The following SNTG1 variants were observed in gnomAD, a reference collection of about 807,000 sequenced individuals.
SNTG1 encodes the protein syntrophin gamma 1, also known as gamma-1-syntrophin.
A neutral mutation model predicts 74.7 loss-of-function variants in SNTG1; 39 were observed. The observed-to-expected ratio is 0.52, with a 90% CI of 0.40 to 0.68. SNTG1 has a LOEUF of 0.68. Among genes scored for constraint, SNTG1 ranks in the 30% least tolerant of loss-of-function variants. The pLI is 0.00. For synonymous variants in SNTG1, 254 were observed against 217.1 expected, an observed-to-expected ratio of 1.17 and a Z score of -1.49; for missense variants, 685 against 609.5, an observed-to-expected ratio of 1.12 and a Z score of -1.30.
chr8:50,460,751 T>C (rs995944899), intron 8 of SNTG1, among the ~76,000 whole-genome samples: 31 of 152,076 alleles, frequency 2.0e-4, no homozygotes, highest in African/African-American at 7.0e-4. Context: ...AGTCCTTTCT[T>C]GATTGTTTAT....
At chr8:50,760,639 A>G (rs2095595822) in intron 18 of SNTG1, among the ~76,000 whole-genome samples, 1 of 151,940 alleles carries the variant, frequency 6.6e-6, no homozygotes, top group South Asian at 2.1e-4. Context: ...AGACTAATAA[A>G]GAAGTAAAGA....
At chr8:50,036,080 T>C (rs1306820343) in intron 1 of SNTG1, among the ~76,000 whole-genome samples, 3 of 152,206 alleles carry the variant, frequency 2.0e-5, no homozygotes, top group Non-Finnish European at 4.4e-5. Flanking sequence ...TGGTTTAGGA[T>C]GGTCGAAATT....
intron 2 of SNTG1, among the ~76,000 whole-genome samples, chr8:50,183,947 G>T (rs184106106): frequency 3.9e-5 from 6 of 152,176 alleles, no homozygotes; most frequent in African/African-American, 1.2e-4. Flanking sequence ...CAAACTAGCT[G>T]CATTTATTCC....
intron 1 of SNTG1, among the ~76,000 whole-genome samples, chr8:50,093,689 A>T (rs1021770719): frequency 5.9e-5 from 9 of 152,142 alleles, no homozygotes; most frequent in African/African-American, 2.2e-4. Flanking sequence ...TATAAAATTT[A>T]GTTATAAAGT....
At chr8:50,384,961 G>A (rs1287181343) in intron 2 of SNTG1, among the ~76,000 whole-genome samples, 1 of 152,070 alleles carries the variant, frequency 6.6e-6, no homozygotes, top group African/African-American at 2.4e-5. Context: ...TAATCATTCT[G>A]TATCTACTAA....
intron 15 of SNTG1, among the ~76,000 whole-genome samples, chr8:50,691,523 G>C (rs1291983924): frequency 1.3e-5 from 2 of 152,112 alleles, no homozygotes; most frequent in South Asian, 2.1e-4. Context: ...AGTTTGGCTG[G>C]ATATGAAATT....
At chr8:49,928,935 A>G (rs537554184) in intron 1 of SNTG1, among the ~76,000 whole-genome samples, 13 of 152,248 alleles carry the variant, frequency 8.5e-5, no homozygotes, top group African/African-American at 2.9e-4. Context: ...AAAATTTTAA[A>G]TAAATCTAAA....
intron 1 of SNTG1, among the ~76,000 whole-genome samples, chr8:49,976,226 G>A (rs914073893): frequency 6.6e-5 from 10 of 152,088 alleles, no homozygotes; most frequent in African/African-American, 1.9e-4. Context: ...GTGTATATTT[G>A]TGTGGAAAAT....
At position 50,530,293 on chromosome 8, in the gene SNTG1, G is replaced by A. The variant is rs745516545; in HGVS notation, c.549+34G>A. The A allele has an allele frequency of 1.9e-6, 3 of 1,592,868 alleles. No homozygotes were observed. In the East Asian group the frequency reaches 6.7e-5, roughly 36 times the overall value. Reference sequence around the variant, plus strand: ...ACCCAGGCATAGCTCAGATTAATAAGGAGATAACACATAGCTTATAAAAAC... The same window carrying A: ...ACCCAGGCATAGCTCAGATTAATAAAGAGATAACACATAGCTTATAAAAAC... On this transcript the variant is annotated intron_variant, in intron 10 of 18. Transcript: ENST00000642720.
intron 2 of SNTG1, among the ~76,000 whole-genome samples, chr8:50,330,171 T>C (rs1411416422): frequency 6.6e-6 from 1 of 152,166 alleles, no homozygotes; most frequent in African/African-American, 2.4e-5. Flanking sequence ...ATGCTGTTCC[T>C]GTGATAGTGA....
At chr8:50,695,787 G>A (rs1229776824) in intron 15 of SNTG1, among the ~76,000 whole-genome samples, 1 of 151,358 alleles carries the variant, frequency 6.6e-6, no homozygotes, top group Non-Finnish European at 1.5e-5. Context: ...CAATATTGCT[G>A]CAAAAGACAT....
chr8:50,246,873 T>A (rs1297710911), intron 2 of SNTG1, among the ~76,000 whole-genome samples: 1 of 152,174 alleles, frequency 6.6e-6, no homozygotes, highest in Non-Finnish European at 1.5e-5. Context: ...AGCCATTGCT[T>A]CAATTGTGCT....
rs529024386 is a variant in SNTG1, at chr8:50,222,404, C to G, written c.-28+49769C>G. On this transcript the variant is annotated intron_variant, in intron 2 of 18. Transcript: ENST00000642720. ...GGAGGTTAAAGGCACATCTCTTTCA[C>G]TGTCATAATTTTCTGACTATTATAA... 1.2e-3 allele frequency among the ~76,000 whole-genome samples: 182 copies of G among 152,282 alleles called. 1 individual carries two copies. The highest frequency in any genetic ancestry group is 2.9e-4 in the Non-Finnish European group (20 of 68,024).
At chr8:50,044,951 G>A (rs574033240) in intron 1 of SNTG1, among the ~76,000 whole-genome samples, 21 of 152,286 alleles carry the variant, frequency 1.4e-4, no homozygotes, top group Admixed American at 5.2e-4. Context: ...AATATAGGAA[G>A]GACTCTGTTG....
chr8:50,632,556 C>A (rs2095008452), intron 13 of SNTG1, among the ~76,000 whole-genome samples: 1 of 152,076 alleles, frequency 6.6e-6, no homozygotes. Context: ...GTGATCCACC[C>A]ACCTTGGCCT....
intron 1 of SNTG1, among the ~76,000 whole-genome samples, chr8:50,063,649 G>T (rs1295137323): frequency 6.6e-6 from 1 of 151,102 alleles, no homozygotes; most frequent in Non-Finnish European, 1.5e-5. Flanking sequence ...AATAGAAATA[G>T]TTTCCATCAG....
intron 1 of SNTG1, among the ~76,000 whole-genome samples, chr8:50,146,601 T>C (rs1335650361): frequency 1.3e-5 from 2 of 152,128 alleles, no homozygotes; most frequent in African/African-American, 4.8e-5. Flanking sequence ...AAGGCAGGCT[T>C]ACTTATCTAA....
At chr8:49,953,258 C>T (rs966393618) in intron 1 of SNTG1, among the ~76,000 whole-genome samples, 2 of 152,200 alleles carry the variant, frequency 1.3e-5, no homozygotes, top group East Asian at 1.9e-4. Flanking sequence ...AAAGCCCCTC[C>T]TCCTCTTGTC....
intron 11 of SNTG1, among the ~76,000 whole-genome samples, chr8:50,538,163 A>C (rs1300944008): frequency 6.6e-6 from 1 of 152,156 alleles, no homozygotes; most frequent in African/African-American, 2.4e-5. Flanking sequence ...TGAATGAAGA[A>C]TAGAAATGTT....
Sources: allele counts gnomAD v4.1 joint callset (sites outside exome capture counted in the v4.1 genomes callset), GRCh38; gene constraint gnomAD v4.1.1; transcripts MANE v1.5; gene names NCBI Gene and HGNC (gene_info 2026-07-23, HGNC 2026-07-21).